The following ADAM19 variants were observed in gnomAD, a reference collection of about 807,000 sequenced individuals.
ADAM19 encodes the protein ADAM metallopeptidase domain 19, also known as disintegrin and metalloproteinase domain-containing protein 19.
ADAM19 carries 65 observed loss-of-function variants against 114.7 expected under a neutral mutation model. The ratio of observed to expected loss-of-function variants is 0.57; its 90% CI spans 0.46 to 0.70. The LOEUF is 0.70. ADAM19 is among the 30% of genes least tolerant of loss of function. The pLI is 0.00. For synonymous variants in ADAM19, 466 were observed against 460.5 expected (o/e 1.01, Z -0.15); for missense variants, 1,063 against 1,204.7 (o/e 0.88, Z 1.74).
intron 3 of ADAM19, among the ~76,000 whole-genome samples, chr5:157,563,892 C>T (rs1048105666): frequency 2.0e-5 from 3 of 152,132 alleles, no homozygotes; most frequent in African/African-American, 7.2e-5. Flanking sequence ...GTTGACGATG[C>T]CCTGTTGACA....
intron 5 of ADAM19, among the ~76,000 whole-genome samples, chr5:157,527,036 A>AT (rs1756483801): frequency 2.6e-5 from 4 of 152,174 alleles, no homozygotes; most frequent in Non-Finnish European, 5.9e-5. Flanking sequence ...CACTGCTATA[A>AT]AGAACTACTT....
Position 157,491,666 on chromosome 5 carries a change from TGCAGAAGGGCGGGGCCCAGCCCG to T in ADAM19, c.2021_2043del (p.Pro674GlnfsTer17), listed in dbSNP as rs1314406879. 6.4e-7 allele frequency: 1 copy of T among 1,573,358 alleles called. No homozygotes were observed. ...ATACTGCCCCCGTGGCCCGGTGTGT[TGCAGAAGGGCGGGGCCCAGCCCG>T]GCAGGCAGTGGCAGTTCTGGTTGTT... On this transcript the variant is annotated frameshift_variant, in exon 18 of 23. Transcript: ENST00000257527. LOFTEE classifies it high-confidence loss of function.
intron 4 of ADAM19, among the ~76,000 whole-genome samples, chr5:157,533,943 G>A (rs1756692682): frequency 6.6e-6 from 1 of 152,022 alleles, no homozygotes; most frequent in Admixed American, 6.5e-5. Context: ...ACTCCAGCCT[G>A]GTGACCGAGC....
At chr5:157,544,625 G>A (rs929070838) in intron 3 of ADAM19, among the ~76,000 whole-genome samples, 14 of 152,178 alleles carry the variant, frequency 9.2e-5, no homozygotes, top group South Asian at 2.1e-4. Context: ...AGGGACCTGC[G>A]GGGCCCTCAA....
At chr5:157,563,729 G>A (rs1024722858) in intron 3 of ADAM19, among the ~76,000 whole-genome samples, 4 of 152,198 alleles carry the variant, frequency 2.6e-5, no homozygotes, top group South Asian at 2.1e-4. Context: ...ACATAGCCAT[G>A]CATCGTGCCC....
chr5:157,528,747 G>A (rs1398112118), intron 5 of ADAM19, among the ~76,000 whole-genome samples: 1 of 152,146 alleles, frequency 6.6e-6, no homozygotes, highest in Non-Finnish European at 1.5e-5. Context: ...TTTCACCGAC[G>A]TAAGAGGAGG....
rs752721772 is a variant in ADAM19, at chr5:157,563,983, C to T, written c.251+390G>A. Among the ~76,000 whole-genome samples, 8 of 152,158 alleles carry T rather than the reference C, an allele frequency of 5.3e-5. No individual in the cohort carries two copies. In the East Asian group the frequency reaches 7.7e-4, roughly 15 times the overall value. On this transcript the variant is annotated intron_variant, in intron 3 of 22. Transcript: ENST00000257527. ...AAGCCCCAGCACACCCTGCTTTGCT[C>T]GCTCCTCTCTGCTGTTTTCCTCTAA...
chr5:157,567,793 G>A (rs1367237636), intron 2 of ADAM19, among the ~76,000 whole-genome samples: 4 of 137,060 alleles, frequency 2.9e-5, no homozygotes, highest in African/African-American at 9.3e-5. Flanking sequence ...GCGAAACTCC[G>A]TCTAAACAAA....
At chr5:157,548,503 T>C (rs1314562467) in intron 3 of ADAM19, among the ~76,000 whole-genome samples, 1 of 152,210 alleles carries the variant, frequency 6.6e-6, no homozygotes, top group East Asian at 1.9e-4. Flanking sequence ...GGGAAGAGAC[T>C]TGCCAGAAAA....
At chr5:157,521,258 A>G in intron 5 of ADAM19, among the ~76,000 whole-genome samples, 1 of 152,202 alleles carries the variant, frequency 6.6e-6, no homozygotes, top group Non-Finnish European at 1.5e-5. Flanking sequence ...TGAGATAAAC[A>G]TGATTGTAAA....
rs2113725825 is a variant in ADAM19, at chr5:157,509,321, A to G, written c.885T>C (p.His295=). 1.2e-6 allele frequency: 2 copies of G among 1,610,990 alleles called. No homozygotes were observed. The highest frequency in any genetic ancestry group is 1.1e-5 in the South Asian group (1 of 90,590). The change falls in exon 9 of 23, where the codon CAT becomes CAC. Residue 295 remains histidine (H), a synonymous_variant. Transcript: ENST00000257527. Reference sequence around the variant, plus strand: ...TTTACGTGATTAATTGGGCGTTGTCATGGTACTTCTGGGCAAGCAGCTTGC... The same window carrying G: ...TTTACGTGATTAATTGGGCGTTGTCGTGGTACTTCTGGGCAAGCAGCTTGC... ...WRRKLLAQKY[H]DNAQLITGMS... is the part of the protein sequence containing the mutation.
intron 15 of ADAM19, among the ~76,000 whole-genome samples, chr5:157,493,799 C>T (rs1156779012): frequency 1.3e-5 from 2 of 152,194 alleles, no homozygotes; most frequent in African/African-American, 4.8e-5. Context: ...AATTTCTCAG[C>T]AGACCTTCTC....
intron 5 of ADAM19, 33 bp downstream of exon 5, chr5:157,530,774 C>T (rs1211081808): frequency 5.7e-6 from 9 of 1,585,724 alleles, no homozygotes; most frequent in Non-Finnish European, 7.8e-6. Context: ...GGGGAGAGTG[C>T]CCGGTGCCAC....
chr5:157,533,270 C>A (rs1169755509), intron 4 of ADAM19, among the ~76,000 whole-genome samples: 1 of 152,226 alleles, frequency 6.6e-6, no homozygotes, highest in Non-Finnish European at 1.5e-5. Flanking sequence ...AGAGCCAACC[C>A]CTGTCTTTGC....
intron 3 of ADAM19, among the ~76,000 whole-genome samples, chr5:157,552,460 TGGGCAACAGGAGTTTGAGACCAGCCA>T (rs1452717969): frequency 3.3e-5 from 5 of 151,924 alleles, no homozygotes; most frequent in African/African-American, 1.2e-4. Flanking sequence ...AAGCCCAGCC[TGGGCAACAGGAGTTTGAGACCAGCCA>T]GGGCAACAAG....
At chr5:157,503,224 C>T (rs1300933471) in intron 11 of ADAM19, among the ~76,000 whole-genome samples, 1 of 152,196 alleles carries the variant, frequency 6.6e-6, no homozygotes, top group Non-Finnish European at 1.5e-5. Flanking sequence ...CCATCATTCT[C>T]AGCAAACTAT....
At chr5:157,511,014 C>T (rs1484950665) in intron 8 of ADAM19, among the ~76,000 whole-genome samples, 2 of 152,108 alleles carry the variant, frequency 1.3e-5, no homozygotes, top group Non-Finnish European at 2.9e-5. Flanking sequence ...AATTCTATAC[C>T]CAAGATCTGA....
intron 21 of ADAM19, among the ~76,000 whole-genome samples, chr5:157,487,178 C>T (rs551691907): frequency 6.6e-6 from 1 of 152,302 alleles, no homozygotes; most frequent in Admixed American, 6.5e-5. Context: ...ACCTCTCTCT[C>T]TCCACTCCTC....
intron 7 of ADAM19, 26 bp downstream of exon 7, chr5:157,518,797 T>C: frequency 1.3e-6 from 2 of 1,593,250 alleles, no homozygotes; most frequent in Non-Finnish European, 1.7e-6. Context: ...GCAGTTTTTC[T>C]GCAAGACCCA....
Sources: allele counts gnomAD v4.1 joint callset (sites outside exome capture counted in the v4.1 genomes callset), GRCh38; gene constraint gnomAD v4.1.1; transcripts MANE v1.5; gene names NCBI Gene and HGNC (gene_info 2026-07-23, HGNC 2026-07-21).